The following RBFOX1 variants were observed in gnomAD, a reference collection of about 807,000 sequenced individuals.
RBFOX1 encodes RNA binding fox-1 homolog 1, also known as RNA binding protein fox-1 homolog 1.
A neutral mutation model predicts 57.7 loss-of-function variants in RBFOX1; 8 were observed. The ratio of observed to expected loss-of-function variants is 0.14; its 90% CI spans 0.08 to 0.25. RBFOX1 has a LOEUF of 0.25. Ranked by LOEUF, RBFOX1 falls within the 10% of genes least tolerant of loss-of-function variation. The pLI, the probability that RBFOX1 is intolerant of heterozygous loss-of-function variation, is 1.00. For synonymous variants in RBFOX1, 326 were observed against 222.4 expected (o/e 1.47, Z -4.15); for missense variants, 611 against 548.5 (o/e 1.11, Z -1.14).
chr16:6,474,963 T>A (rs1320501910), intron 2 of RBFOX1, among the ~76,000 whole-genome samples: 1 of 152,206 alleles, frequency 6.6e-6, no homozygotes, highest in Non-Finnish European at 1.5e-5. Context: ...TAAACTGACC[T>A]TGTACATTTT....
At chr16:6,618,996 A>G (rs1354443156) in intron 2 of RBFOX1, among the ~76,000 whole-genome samples, 2 of 152,200 alleles carry the variant, frequency 1.3e-5, no homozygotes, top group Non-Finnish European at 2.9e-5. Flanking sequence ...GAAGCTGAAA[A>G]GACACTGTGA....
At chr16:7,437,764 T>C (rs2098734542) in intron 4 of RBFOX1, among the ~76,000 whole-genome samples, 1 of 152,096 alleles carries the variant, frequency 6.6e-6, no homozygotes, top group African/African-American at 2.4e-5. Context: ...CTGCTCGACG[T>C]GGCAAAGATA....
intron 3 of RBFOX1, among the ~76,000 whole-genome samples, chr16:6,711,464 G>T (rs533248054): frequency 1.3e-5 from 2 of 152,298 alleles, no homozygotes; most frequent in East Asian, 1.9e-4. Context: ...TGTCAAGGGA[G>T]GGACCTGGTA....
intron 2 of RBFOX1, among the ~76,000 whole-genome samples, chr16:5,590,415 T>G (rs2046967974): frequency 6.6e-6 from 1 of 152,146 alleles, no homozygotes; most frequent in Admixed American, 6.5e-5. Context: ...TTGGGGGAAA[T>G]GAGGGTAGCC....
chr16:7,650,282 C>T (rs981076747), intron 11 of RBFOX1, among the ~76,000 whole-genome samples: 4 of 151,674 alleles, frequency 2.6e-5, no homozygotes, highest in Admixed American at 1.3e-4. Context: ...TCCATGAAGC[C>T]TCTGGCCCAA....
chr16:5,905,175 C>G (rs975657780), intron 4 of RBFOX1, among the ~76,000 whole-genome samples: 5 of 143,802 alleles, frequency 3.5e-5, no homozygotes, highest in East Asian at 2.2e-4. Context: ...TCAAGTGATT[C>G]TCCTGCCTCA....
At chr16:7,454,615 G>A (rs1299354300) in intron 4 of RBFOX1, among the ~76,000 whole-genome samples, 2 of 152,178 alleles carry the variant, frequency 1.3e-5, no homozygotes, top group Non-Finnish European at 2.9e-5. Context: ...AAGATGTGTG[G>A]TATCAACTCA....
chr16:5,267,426 C>T (rs1490532406), intron 1 of RBFOX1, among the ~76,000 whole-genome samples: 3 of 151,936 alleles, frequency 2.0e-5, no homozygotes, highest in African/African-American at 7.3e-5. Flanking sequence ...GCCCCCTGAG[C>T]AGCTGGGACT....
At chr16:6,753,698 C>T (rs1404699179) in intron 3 of RBFOX1, among the ~76,000 whole-genome samples, 1 of 150,850 alleles carries the variant, frequency 6.6e-6, no homozygotes, top group East Asian at 2.0e-4. Flanking sequence ...CTCGTGCCCT[C>T]CTCCTGTCTT....
At chr16:7,439,480 A>T (rs911091700) in intron 4 of RBFOX1, among the ~76,000 whole-genome samples, 2 of 152,156 alleles carry the variant, frequency 1.3e-5, no homozygotes, top group East Asian at 1.9e-4. Context: ...ACAATTTTTA[A>T]CCCAGAATTA....
intron 3 of RBFOX1, among the ~76,000 whole-genome samples, chr16:7,034,759 G>A (rs918645569): frequency 6.6e-5 from 10 of 151,368 alleles, no homozygotes; most frequent in African/African-American, 2.2e-4. Flanking sequence ...TGGGGTTTGG[G>A]GGAGGGGTCT....
At chr16:5,579,808 G>C (rs1253265209) in intron 2 of RBFOX1, among the ~76,000 whole-genome samples, 5 of 150,526 alleles carry the variant, frequency 3.3e-5, no homozygotes, top group Non-Finnish European at 5.9e-5. Context: ...TGCCTAGGCT[G>C]GGGTGCAGTC....
chr16:6,877,783 A>G (rs1345179774), intron 3 of RBFOX1, among the ~76,000 whole-genome samples: 1 of 151,996 alleles, frequency 6.6e-6, no homozygotes, highest in Non-Finnish European at 1.5e-5. Flanking sequence ...GCTTTAACGC[A>G]TGCAGTTACA....
chr16:5,619,070 G>A (rs1285750954), intron 3 of RBFOX1, among the ~76,000 whole-genome samples: 1 of 152,186 alleles, frequency 6.6e-6, no homozygotes, highest in African/African-American at 2.4e-5. Context: ...TCTATTCACA[G>A]TCACCGTAGT....
chr16:7,580,264 A>G (rs1285243968), intron 6 of RBFOX1, among the ~76,000 whole-genome samples: 3 of 152,180 alleles, frequency 2.0e-5, no homozygotes, highest in East Asian at 1.9e-4. Flanking sequence ...CAGCAAAAAT[A>G]CACATCGAGT....
At chr16:6,399,584 G>A (rs1000347276) in intron 2 of RBFOX1, among the ~76,000 whole-genome samples, 3 of 151,920 alleles carry the variant, frequency 2.0e-5, no homozygotes, top group Non-Finnish European at 2.9e-5. Flanking sequence ...TCCAAACTTT[G>A]CCACATCTTT....
At chr16:6,628,077 G>T (rs147790305) in intron 2 of RBFOX1, among the ~76,000 whole-genome samples, 3 of 152,286 alleles carry the variant, frequency 2.0e-5, no homozygotes, top group African/African-American at 2.4e-5. Context: ...GCCCAGCCAG[G>T]CTCCCTTCTC....
In RBFOX1 at chr16:7,699,234, A is replaced by G. The variant is rs183728146; in HGVS notation, c.996-9822A>G. Among the ~76,000 whole-genome samples the G allele has an allele frequency of 4.3e-4, 66 of 151,748 alleles. 1 individual carries two copies. In the East Asian group the frequency reaches 0.012, roughly 28 times the overall value. ...ATAGGGTCTCTGTCATCCAGGCTGG[A>G]GAGTTCAGTGCAATAGCCTGATCTT... On this transcript the variant is annotated intron_variant, in intron 14 of 15. Coordinates refer to ENST00000550418, the MANE Select transcript of RBFOX1 (RefSeq NM_018723.4).
At chr16:5,571,605 A>G (rs1008530919) in intron 2 of RBFOX1, among the ~76,000 whole-genome samples, 5 of 152,174 alleles carry the variant, frequency 3.3e-5, no homozygotes, top group African/African-American at 1.2e-4. Context: ...TGCTGAGTGC[A>G]GTCACTTCCT....
Sources: gnomAD v4.1 joint callset for allele counts (sites outside exome capture counted in the v4.1 genomes callset) on GRCh38, gnomAD v4.1.1 for gene constraint, MANE v1.5 for transcripts, NCBI Gene and HGNC (gene_info 2026-07-23, HGNC 2026-07-21) for gene names.